The following AFF3 variants were observed in gnomAD, a reference collection of about 807,000 sequenced individuals.
The protein encoded by AFF3 is AF4/FMR2 family member 3.
Under a neutral mutation model 129.7 loss-of-function variants are expected in AFF3, and 32 were observed. The observed-to-expected ratio is 0.25, with a 90% confidence interval of 0.19 to 0.33. The LOEUF is 0.33. Among genes scored for constraint, AFF3 ranks in the 10% least tolerant of loss-of-function variants. The probability of loss-of-function intolerance (pLI) is 1.00; values close to 1 mark genes in which losing one functional copy is unlikely to be tolerated. For missense variants in AFF3, 1,373 were observed against 1,592.0 expected (o/e 0.86, Z 2.34); for synonymous variants, 644 against 635.4 (o/e 1.01, Z -0.20).
In AFF3 at chr2:99,641,799, G is replaced by A. The variant is rs1236280282; in HGVS notation, c.1184+7827C>T. 1.3e-5 allele frequency among the ~76,000 whole-genome samples: 2 copies of A among 152,196 alleles called. 1 individual carries two copies. The highest frequency in any genetic ancestry group is 3.8e-4 in the East Asian group (2 of 5,200). On this transcript the variant is annotated intron_variant, in intron 13 of 24. Coordinates refer to ENST00000672756, the MANE Select transcript of AFF3 (RefSeq NM_001386135.1). ...AAGAGAGTCGTCGCGAGGACTAAAT[G>A]AAGTAAGGTATGTGAGATGCTCAGT...
Position 100,061,719 on chromosome 2 carries a change from T to A in AFF3, c.53+42683A>T, listed in dbSNP as rs544016600. On this transcript the variant is annotated intron_variant, in intron 4 of 24. Coordinates refer to ENST00000672756, the MANE Select transcript of AFF3 (RefSeq NM_001386135.1). ...TCAAAGTTAATGTGTCATAACTAGA[T>A]TCATGATTTTTTATACCCCGACCTA... Among the ~76,000 whole-genome samples, 18 of 152,166 alleles carry A rather than the reference T, an allele frequency of 1.2e-4. 1 individual carries two copies. In the South Asian group the frequency reaches 3.7e-3, roughly 32 times the overall value.
intron 11 of AFF3, among the ~76,000 whole-genome samples, chr2:99,708,027 A>G (rs1677564288): frequency 6.6e-6 from 1 of 152,230 alleles, no homozygotes. Flanking sequence ...CAGGATGCCT[A>G]GTTAAATTTG....
At chr2:100,132,579 C>T (rs1262439353) in intron 1 of AFF3, among the ~76,000 whole-genome samples, 2 of 152,088 alleles carry the variant, frequency 1.3e-5, no homozygotes, top group Non-Finnish European at 2.9e-5. Context: ...CTTTTTTCCT[C>T]TTCATCCTCA....
At chr2:99,595,239 A>C (rs1679166716) in intron 14 of AFF3, among the ~76,000 whole-genome samples, 1 of 152,224 alleles carries the variant, frequency 6.6e-6, no homozygotes, top group Non-Finnish European at 1.5e-5. Context: ...CTAAAAAGTC[A>C]ATTTATCCAG....
chr2:99,905,265 C>G (rs571514942), intron 7 of AFF3, among the ~76,000 whole-genome samples: 1 of 152,176 alleles, frequency 6.6e-6, no homozygotes, highest in Admixed American at 6.5e-5. Context: ...CCTGGAGATG[C>G]CTGCTCAGGT....
chr2:99,695,611 G>T (rs1253029465), intron 11 of AFF3, among the ~76,000 whole-genome samples: 1 of 152,150 alleles, frequency 6.6e-6, no homozygotes, highest in Non-Finnish European at 1.5e-5. Flanking sequence ...ACACAGGACA[G>T]ACAGGGAGGG....
chr2:100,096,404 T>C (rs1690299527), intron 4 of AFF3, among the ~76,000 whole-genome samples: 1 of 151,694 alleles, frequency 6.6e-6, no homozygotes, highest in Non-Finnish European at 1.5e-5. Context: ...ATCAGAATTG[T>C]ATTAGAAAGA....
rs561110458 is a variant in AFF3 at position 99,640,610 on chromosome 2, G to C, written c.1184+9016C>G. Among the ~76,000 whole-genome samples, 7 of 146,460 alleles carry C rather than the reference G, an allele frequency of 4.8e-5. No individual in the cohort carries two copies. In the South Asian group the frequency reaches 1.4e-3, roughly 29 times the overall value. Reference sequence around the variant, plus strand: ...GGAGAGAGTAGGGAAAGCTGGGCCAGAGGGTTTTTTTTTTTCTTTTGCTTT... The same window carrying C: ...GGAGAGAGTAGGGAAAGCTGGGCCACAGGGTTTTTTTTTTTCTTTTGCTTT... On this transcript the variant is annotated intron_variant, in intron 13 of 24. Transcript: ENST00000672756.
At chr2:99,727,676 C>T (rs559779435) in intron 10 of AFF3, among the ~76,000 whole-genome samples, 1 of 151,662 alleles carries the variant, frequency 6.6e-6, no homozygotes, top group East Asian at 1.9e-4. Flanking sequence ...ATTCTCCAGT[C>T]TCAGCCTCCC....
In AFF3 at chr2:99,785,525, A is replaced by G. The variant is rs552904801; in HGVS notation, c.922-33224T>C. 3.3e-5 allele frequency among the ~76,000 whole-genome samples: 5 copies of G among 152,242 alleles called. No homozygotes were observed. In the East Asian group the frequency reaches 9.7e-4, roughly 29 times the overall value. On this transcript the variant is annotated intron_variant, in intron 8 of 24. Transcript: ENST00000672756. ...ATTCCTCTTCTCTTTTTACAATGCAATCTCATCACAGGTTCTACATGAACA... is the reference window on the plus strand; with the variant it reads ...ATTCCTCTTCTCTTTTTACAATGCAGTCTCATCACAGGTTCTACATGAACA...
At chr2:99,626,181 C>T (rs902982732) in intron 13 of AFF3, among the ~76,000 whole-genome samples, 5 of 152,190 alleles carry the variant, frequency 3.3e-5, no homozygotes, top group Non-Finnish European at 7.3e-5. Flanking sequence ...GACAAGCTCT[C>T]TTTGTGGTGT....
chr2:99,869,810 A>G (rs1225059536), intron 7 of AFF3, among the ~76,000 whole-genome samples: 1 of 152,168 alleles, frequency 6.6e-6, no homozygotes, highest in African/African-American at 2.4e-5. Context: ...TAAAATTTTG[A>G]TCACTGGTGG....
intron 4 of AFF3, among the ~76,000 whole-genome samples, chr2:100,087,449 T>C (rs2105389633): frequency 6.6e-6 from 1 of 152,180 alleles, no homozygotes; most frequent in East Asian, 1.9e-4. Context: ...TATAAGAAAT[T>C]ACATTATGTG....
chr2:99,776,870 G>T (rs897782703), intron 8 of AFF3, among the ~76,000 whole-genome samples: 1 of 152,206 alleles, frequency 6.6e-6, no homozygotes, highest in African/African-American at 2.4e-5. Flanking sequence ...CAGAAAATCA[G>T]ACCACCATCA....
chr2:99,945,223 C>G (rs1456688189), intron 7 of AFF3, among the ~76,000 whole-genome samples: 1 of 152,210 alleles, frequency 6.6e-6, no homozygotes, highest in Non-Finnish European at 1.5e-5. Flanking sequence ...CAAACAGATG[C>G]TGAAGTCTTC....
intron 4 of AFF3, among the ~76,000 whole-genome samples, chr2:100,069,948 G>A (rs987761436): frequency 1.3e-5 from 2 of 152,106 alleles, no homozygotes; most frequent in African/African-American, 2.4e-5. Context: ...TCTGTATCAC[G>A]CAGTTACACT....
intron 12 of AFF3, among the ~76,000 whole-genome samples, chr2:99,670,991 G>A (rs1255431335): frequency 6.6e-6 from 1 of 152,150 alleles, no homozygotes; most frequent in Non-Finnish European, 1.5e-5. Context: ...AACATGTATA[G>A]TACGTCATTA....
chr2:99,830,407 T>G (rs1172633128), intron 8 of AFF3, among the ~76,000 whole-genome samples: 1 of 152,152 alleles, frequency 6.6e-6, no homozygotes. Flanking sequence ...AAAGAATAAA[T>G]GTCTGCAAAG....
At chr2:100,141,517 A>T (rs1430157076) in intron 1 of AFF3, among the ~76,000 whole-genome samples, 2 of 152,174 alleles carry the variant, frequency 1.3e-5, no homozygotes, top group African/African-American at 4.8e-5. Context: ...TTTTTGATGG[A>T]TTATTTAGTT....
Sources: gnomAD v4.1 joint callset for allele counts (sites outside exome capture counted in the v4.1 genomes callset) on GRCh38, gnomAD v4.1.1 for gene constraint, MANE v1.5 for transcripts, NCBI Gene and HGNC (gene_info 2026-07-23, HGNC 2026-07-21) for gene names.